NRXN1: variants seen among roughly 807,000 people sequenced by gnomAD.
The protein encoded by NRXN1 is neurexin 1, also known as neurexin-1.
Under a neutral mutation model 150.9 loss-of-function variants are expected in NRXN1, and 39 were observed. The observed-to-expected ratio is 0.26, with a 90% CI of 0.20 to 0.34. The LOEUF (loss-of-function observed/expected upper bound fraction) is 0.34. Ranked by LOEUF, NRXN1 falls within the 10% of genes least tolerant of loss-of-function variation. The probability of loss-of-function intolerance (pLI) is 1.00; values close to 1 mark genes in which losing one functional copy is unlikely to be tolerated. For missense variants in NRXN1, 1,815 were observed against 1,949.9 expected (o/e 0.93, Z 1.30); for synonymous variants, 924 against 757.0 (o/e 1.22, Z -3.62).
intron 17 of NRXN1, among the ~76,000 whole-genome samples, chr2:50,300,974 G>A (rs983376891): frequency 1.1e-4 from 16 of 152,110 alleles, no homozygotes; most frequent in African/African-American, 3.9e-4. Flanking sequence ...GGGATTACAA[G>A]CATGAGCCAC....
chr2:50,318,337 A>T (rs2075770839), intron 17 of NRXN1, among the ~76,000 whole-genome samples: 1 of 152,150 alleles, frequency 6.6e-6, no homozygotes, highest in African/African-American at 2.4e-5. Flanking sequence ...GGAAGTCATC[A>T]TCCCCCAGTG....
At chr2:50,652,276 T>C (rs937113801) in intron 5 of NRXN1, among the ~76,000 whole-genome samples, 7 of 152,076 alleles carry the variant, frequency 4.6e-5, no homozygotes, top group African/African-American at 1.2e-4. Flanking sequence ...CGTTTAAGTA[T>C]ACAATTCAAT....
intron 5 of NRXN1, among the ~76,000 whole-genome samples, chr2:50,766,468 G>C (rs976621443): frequency 6.6e-6 from 1 of 152,018 alleles, no homozygotes; most frequent in Non-Finnish European, 1.5e-5. Context: ...AGAGAGGCAA[G>C]GGCTGAGTAG....
chr2:50,092,634 T>C (rs1558861692), intron 18 of NRXN1, among the ~76,000 whole-genome samples: 1 of 152,228 alleles, frequency 6.6e-6, no homozygotes, highest in Non-Finnish European at 1.5e-5. Context: ...GTTCTCATCA[T>C]TATTTGAACT....
rs2152627064 is a variant in NRXN1 at position 50,053,588 on chromosome 2, G to A, written c.3811C>T (p.Arg1271Cys). 1 of 1,613,770 alleles carries A rather than the reference G, an allele frequency of 6.2e-7. No individual in the cohort carries two copies. Among genetic ancestry groups the A allele is most frequent in the Non-Finnish European group, 8.5e-7 (1 of 1,179,816 alleles). Residue 1271 changes from arginine to cysteine, a missense_variant and splice_region_variant, in exon 21 of 23, where the codon CGT becomes TGT. Around this residue, in one of 6 missense-constraint regions of NRXN1, gnomAD observed 265 missense variants for 307.1 expected, o/e 0.86. Transcript: ENST00000401669. ...TGGCTATTGAAGATTGTGAGCTGAC[G>A]CCCTGTAAAAATAATATTACATACA... is the stretch of plus-strand genomic sequence containing the variant. ...VVDEWLLDKGRQLTIFNSQAT... is the reference protein window; with the variant it reads ...VVDEWLLDKGCQLTIFNSQAT...
At chr2:50,681,631 T>C (rs1343438223) in intron 5 of NRXN1, among the ~76,000 whole-genome samples, 1 of 152,212 alleles carries the variant, frequency 6.6e-6, no homozygotes, top group Non-Finnish European at 1.5e-5. Context: ...ATTCTAGGAC[T>C]ATTTATTAAT....
At chr2:50,854,496 T>C (rs970043519) in intron 5 of NRXN1, among the ~76,000 whole-genome samples, 2 of 152,080 alleles carry the variant, frequency 1.3e-5, no homozygotes, top group African/African-American at 2.4e-5. Context: ...TGAATAGCAA[T>C]AGCCTACCTT....
At chr2:50,906,055 T>C (rs1039924992) in intron 5 of NRXN1, among the ~76,000 whole-genome samples, 2 of 152,108 alleles carry the variant, frequency 1.3e-5, no homozygotes, top group African/African-American at 2.4e-5. Context: ...TGGTGTTATA[T>C]AGTGGATTCA....
intron 21 of NRXN1, among the ~76,000 whole-genome samples, chr2:49,953,180 T>C (rs1476216558): frequency 2.6e-5 from 4 of 152,120 alleles, no homozygotes; most frequent in East Asian, 3.9e-4. Context: ...GCAAGAAATA[T>C]GGATGTGGCT....
chr2:50,295,234 A>G (rs1262548604), intron 17 of NRXN1, among the ~76,000 whole-genome samples: 7 of 152,198 alleles, frequency 4.6e-5, no homozygotes, highest in Non-Finnish European at 1.0e-4. Flanking sequence ...TTGGGTCAGC[A>G]CTACAAAGAA....
intron 21 of NRXN1, among the ~76,000 whole-genome samples, chr2:50,024,586 C>A: frequency 6.6e-6 from 1 of 151,936 alleles, no homozygotes; most frequent in African/African-American, 2.4e-5. Flanking sequence ...GTTTTAGTCC[C>A]ATTTCTGCAA....
chr2:50,475,480 C>T (rs1395351257), intron 15 of NRXN1, among the ~76,000 whole-genome samples: 1 of 152,108 alleles, frequency 6.6e-6, no homozygotes, highest in Non-Finnish European at 1.5e-5. Flanking sequence ...CCACTTCCTA[C>T]CACAATCCCT....
In NRXN1 at chr2:50,762,702, T is replaced by C. The variant is rs1164341836; in HGVS notation, c.833-139087A>G. On this transcript the variant is annotated intron_variant, in intron 5 of 22. Coordinates refer to ENST00000401669, the MANE Select transcript of NRXN1 (RefSeq NM_001330078.2). ...ATTTTCATGGCTGTGTAGTAATCCA[T>C]GATATATATGCACCAGATTTTCTTT... Among the ~76,000 whole-genome samples, 4 of 152,002 alleles carry C rather than the reference T, an allele frequency of 2.6e-5. No individual in the cohort carries two copies. The East Asian group carries it at 5.8e-4, about 22-fold the overall frequency.
chr2:50,008,468 ATTT>A (rs3046626), intron 21 of NRXN1, among the ~76,000 whole-genome samples: 2 of 136,380 alleles, frequency 1.5e-5, no homozygotes. Context: ...GAAGGATGCC[ATTT>A]TTTTTTTTTT....
At chr2:50,924,874 T>C (rs1686627154) in intron 3 of NRXN1, among the ~76,000 whole-genome samples, 2 of 151,776 alleles carry the variant, frequency 1.3e-5, no homozygotes, top group Non-Finnish European at 3.0e-5. Context: ...CTTTCTTAGA[T>C]ACATGAAGTC....
intron 18 of NRXN1, among the ~76,000 whole-genome samples, chr2:50,219,943 T>TTATATATATAATATATATATTA (rs1328922005): frequency 5.3e-5 from 4 of 75,498 alleles, no homozygotes; most frequent in South Asian, 3.2e-4. Context: ...ATATTATATA[T>TTATATATATAATATATATATTA]TATATATATA....
chr2:50,296,185 A>G (rs1029690715), intron 17 of NRXN1, among the ~76,000 whole-genome samples: 1 of 152,196 alleles, frequency 6.6e-6, no homozygotes, highest in South Asian at 2.1e-4. Flanking sequence ...TTATAGATTG[A>G]TTACATTTAA....
chr2:50,680,730 T>C (rs963891117), intron 5 of NRXN1, among the ~76,000 whole-genome samples: 8 of 151,862 alleles, frequency 5.3e-5, no homozygotes, highest in African/African-American at 1.9e-4. Flanking sequence ...TTTCCTTCTT[T>C]GGATAACTTT....
chr2:50,566,956 A>T (rs1558947510), intron 8 of NRXN1, among the ~76,000 whole-genome samples: 2 of 152,142 alleles, frequency 1.3e-5, no homozygotes, highest in Non-Finnish European at 2.9e-5. Flanking sequence ...CAAGTGCCTC[A>T]TTAACTAGCT....
Sources: allele counts gnomAD v4.1 joint callset (sites outside exome capture counted in the v4.1 genomes callset), GRCh38; gene constraint gnomAD v4.1.1; regional missense constraint gnomAD v4.1.1; transcripts MANE v1.5; gene names NCBI Gene and HGNC (gene_info 2026-07-23, HGNC 2026-07-21).